THSD7A: variants seen among roughly 807,000 people sequenced by gnomAD.
THSD7A encodes thrombospondin type 1 domain containing 7A, also known as thrombospondin type-1 domain-containing protein 7A.
A neutral mutation model predicts 231.3 loss-of-function variants in THSD7A; 96 were observed. The observed-to-expected ratio is 0.41, with a 90% CI of 0.35 to 0.49. The LOEUF is 0.49. THSD7A is among the 20% of genes least tolerant of loss of function. THSD7A has a pLI of 0.05. For synonymous variants in THSD7A, 940 were observed against 743.3 expected, an observed-to-expected ratio of 1.26 and a Z score of -4.30; for missense variants, 2,290 against 2,070.2, an observed-to-expected ratio of 1.11 and a Z score of -2.06.
Position 11,593,456 on chromosome 7 carries a change from T to A in THSD7A, c.1069A>T (p.Ile357Phe). The A allele has an allele frequency of 2.5e-6, 4 of 1,614,012 alleles. No homozygotes were observed. In the South Asian group the frequency reaches 4.4e-5, roughly 18 times the overall value. ...TCGGAAACCTGGCACTCTTTGGTGA[T>A]CACACAGGACTGGAAGGTCATTGGA... Reference protein sequence around the residue: ...KLPMTFQSCVITKECQVSEWS... With the variant: ...KLPMTFQSCVFTKECQVSEWS... Residue 357 changes from isoleucine (I) to phenylalanine (F), a missense_variant, in exon 3 of 28, where the codon ATC becomes TTC. Coordinates refer to ENST00000423059, the MANE Select transcript of THSD7A (RefSeq NM_015204.3).
At position 11,634,915 on chromosome 7, in the gene THSD7A, A is replaced by G. The variant is rs1467026408; in HGVS notation, c.1022+1215T>C. Among the ~76,000 whole-genome samples, 1 of 152,188 alleles carries G rather than the reference A, an allele frequency of 6.6e-6. No individual in the cohort carries two copies. Among genetic ancestry groups the G allele is most frequent in the African/African-American group, 2.4e-5 (1 of 41,450 alleles). ...TTAAACCAGATTTCAAAATCTATGCATAGCAAAATCAGTAGACAAGAATAG... is the reference window on the plus strand; with the variant it reads ...TTAAACCAGATTTCAAAATCTATGCGTAGCAAAATCAGTAGACAAGAATAG... On this transcript the variant is annotated intron_variant, in intron 2 of 27. Transcript: ENST00000423059. The surrounding 1 kb of genome is among the most constrained non-coding windows in gnomAD (Gnocchi z 4.1).
chr7:11,508,875 G>A (rs1054378513), intron 6 of THSD7A, among the ~76,000 whole-genome samples: 6 of 152,144 alleles, frequency 3.9e-5, no homozygotes, highest in African/African-American at 1.2e-4. Context: ...CCACTTATAT[G>A]AGATATATAA....
At chr7:11,589,842 G>T (rs1400234043) in intron 4 of THSD7A, among the ~76,000 whole-genome samples, 3 of 151,894 alleles carry the variant, frequency 2.0e-5, no homozygotes, top group Non-Finnish European at 4.4e-5. Flanking sequence ...GTTTTAGCTT[G>T]GGCCATTTTG....
intron 1 of THSD7A, among the ~76,000 whole-genome samples, chr7:11,748,626 A>C (rs1562526673): frequency 6.6e-6 from 1 of 152,022 alleles, no homozygotes; most frequent in Non-Finnish European, 1.5e-5. Context: ...GTACAAGATT[A>C]TTAAAGCTAT....
intron 6 of THSD7A, among the ~76,000 whole-genome samples, chr7:11,535,078 G>C (rs1788859043): frequency 6.6e-6 from 1 of 152,158 alleles, no homozygotes; most frequent in South Asian, 2.1e-4. Context: ...ATTTGAAGTT[G>C]TAGCTAACAT....
intron 1 of THSD7A, among the ~76,000 whole-genome samples, chr7:11,776,697 C>T (rs1783417511): frequency 6.6e-6 from 1 of 152,126 alleles, no homozygotes; most frequent in Non-Finnish European, 1.5e-5. Context: ...ATATAGACAT[C>T]ATATCTACTG....
intron 4 of THSD7A, among the ~76,000 whole-genome samples, chr7:11,552,777 C>T (rs1010521113): frequency 2.0e-5 from 3 of 152,028 alleles, no homozygotes; most frequent in Non-Finnish European, 2.9e-5. Context: ...AAGATGGTAC[C>T]GATCAACAGG....
intron 1 of THSD7A, among the ~76,000 whole-genome samples, chr7:11,653,448 ATGTGTGTGTGTGTGTGTG>A (rs60933989): frequency 2.5e-4 from 32 of 127,132 alleles, no homozygotes; most frequent in African/African-American, 6.5e-4. Flanking sequence ...ACTCCCAGAT[ATGTGTGTGTGTGTGTGTG>A]TGTGTGTGTG....
intron 1 of THSD7A, among the ~76,000 whole-genome samples, chr7:11,809,598 A>G (rs569054375): frequency 2.0e-5 from 3 of 152,138 alleles, no homozygotes; most frequent in Admixed American, 6.6e-5. Flanking sequence ...TGTGAAGAGG[A>G]GCAATAAGAA....
At chr7:11,561,069 G>A (rs2128329654) in intron 4 of THSD7A, among the ~76,000 whole-genome samples, 1 of 152,122 alleles carries the variant, frequency 6.6e-6, no homozygotes, top group East Asian at 1.9e-4. Context: ...CAATTACATA[G>A]CTGAGAAAGT....
At chr7:11,410,440 T>G (rs1221536323) in intron 19 of THSD7A, 1 of 152,190 alleles carries the variant, frequency 6.6e-6, no homozygotes, top group Non-Finnish European at 1.5e-5. Flanking sequence ...TCTACTCTAT[T>G]CCAGATCTAT....
chr7:11,561,485 A>G (rs1409203294), intron 4 of THSD7A, among the ~76,000 whole-genome samples: 1 of 152,214 alleles, frequency 6.6e-6, no homozygotes, highest in Admixed American at 6.5e-5. Flanking sequence ...TACTGATAAC[A>G]GTAAGCACTT....
At chr7:11,568,611 T>A (rs1790470506) in intron 4 of THSD7A, among the ~76,000 whole-genome samples, 1 of 96,924 alleles carries the variant, frequency 1.0e-5, no homozygotes, top group Non-Finnish European at 1.8e-5. Flanking sequence ...AGTGACAGAG[T>A]GAAACTCCGT....
At chr7:11,758,485 G>C (rs370933214) in intron 1 of THSD7A, among the ~76,000 whole-genome samples, 2 of 151,962 alleles carry the variant, frequency 1.3e-5, no homozygotes, top group African/African-American at 4.8e-5. Context: ...TGTTCATCTT[G>C]GCTGGTGCAG....
chr7:11,500,147 G>A (rs1325237543), intron 6 of THSD7A, among the ~76,000 whole-genome samples: 2 of 152,120 alleles, frequency 1.3e-5, no homozygotes, highest in Non-Finnish European at 2.9e-5. Flanking sequence ...TAAGCCAGAA[G>A]AGATTGGGGG....
At position 11,407,543 on chromosome 7, in the gene THSD7A, G is replaced by A. The variant is rs774830034; in HGVS notation, c.3799-120C>T. 2.9e-4 allele frequency: 198 copies of A among 693,870 alleles called. 1 individual carries two copies. Among genetic ancestry groups the A allele is most frequent in the Admixed American group, 5.5e-4 (20 of 36,460 alleles). The allele number at this position is 693,870 out of a possible 1,614,324, so 43.0% of individuals were successfully genotyped here. A position where few individuals can be genotyped will look rare whatever the true frequency, so the allele number is the denominator to read the frequency against. On this transcript the variant is annotated intron_variant, in intron 19 of 27. Transcript: ENST00000423059. Reference sequence around the variant, plus strand: ...AGCAAGCCACATAAGAGAATAAAATGTTACCTGGAGGACAAACATCCAAAC... The same window carrying A: ...AGCAAGCCACATAAGAGAATAAAATATTACCTGGAGGACAAACATCCAAAC...
intron 6 of THSD7A, among the ~76,000 whole-genome samples, chr7:11,485,787 A>G (rs1423837399): frequency 6.6e-6 from 1 of 152,214 alleles, no homozygotes; most frequent in Non-Finnish European, 1.5e-5. Flanking sequence ...GTTTGTCAAC[A>G]CAGTGATGCA....
chr7:11,672,138 T>C (rs1404253731), intron 1 of THSD7A, among the ~76,000 whole-genome samples: 1 of 152,160 alleles, frequency 6.6e-6, no homozygotes, highest in Non-Finnish European at 1.5e-5. Context: ...TTTGAAGCTG[T>C]GCTCATTTTC....
chr7:11,713,577 T>G (rs138560116), intron 1 of THSD7A, among the ~76,000 whole-genome samples: 13 of 151,346 alleles, frequency 8.6e-5, no homozygotes, highest in African/African-American at 3.1e-4. Flanking sequence ...GTCCGAACTT[T>G]ATTGCGTATA....
Sources: gnomAD v4.1 joint callset for allele counts (sites outside exome capture counted in the v4.1 genomes callset) on GRCh38, gnomAD v4.1.1 for gene constraint, Gnocchi (gnomAD v3.1) non-coding constraint, MANE v1.5 for transcripts, NCBI Gene and HGNC (gene_info 2026-07-23, HGNC 2026-07-21) for gene names.